NDUFAF2: variants seen among roughly 807,000 people sequenced by gnomAD.
NDUFAF2 encodes NADH dehydrogenase [ubiquinone] 1 alpha subcomplex assembly factor 2.
In NDUFAF2, 13 loss-of-function variants were observed where a neutral mutation model predicts 22.8. The ratio of observed to expected loss-of-function variants is 0.57; its 90% CI spans 0.37 to 0.91. NDUFAF2 has a LOEUF of 0.91. Ranked by LOEUF, NDUFAF2 falls within the 40% of genes least tolerant of loss-of-function variation. The pLI, the probability that NDUFAF2 is intolerant of heterozygous loss-of-function variation, is 0.01. For missense variants in NDUFAF2, 162 were observed against 195.2 expected (o/e 0.83, Z 1.01); for synonymous variants, 53 against 64.2 (o/e 0.83, Z 0.84).
rs183908377 is a variant in NDUFAF2, at chr5:61,016,246, G to C, written c.128-56879G>C. 1.5e-3 allele frequency among the ~76,000 whole-genome samples: 226 copies of C among 151,976 alleles called. 1 individual carries two copies. Among genetic ancestry groups the C allele is most frequent in the Non-Finnish European group, 2.0e-3 (139 of 67,992 alleles). On this transcript the variant is annotated intron_variant, in intron 1 of 3. Coordinates refer to ENST00000296597, the MANE Select transcript of NDUFAF2 (RefSeq NM_174889.5). ...ACCTTTGGGATTTAAAAGTATTATA[G>C]ACACATATATATTTGGCACCCTTTT... is the stretch of plus-strand genomic sequence containing the variant.
chr5:61,081,941 T>A (rs1307044792), intron 2 of NDUFAF2, among the ~76,000 whole-genome samples: 1 of 152,246 alleles, frequency 6.6e-6, no homozygotes, highest in African/African-American at 2.4e-5. Context: ...TGAAGGAACA[T>A]GTATTTGGAC....
chr5:60,952,437 A>T (rs557595009), intron 1 of NDUFAF2, among the ~76,000 whole-genome samples: 2 of 151,938 alleles, frequency 1.3e-5, no homozygotes, highest in African/African-American at 4.8e-5. Context: ...ATTTTTTCCT[A>T]TATGACCTAT....
At chr5:61,132,996 G>A (rs1254935886) in intron 3 of NDUFAF2, among the ~76,000 whole-genome samples, 1 of 152,000 alleles carries the variant, frequency 6.6e-6, no homozygotes, top group Admixed American at 6.6e-5. Flanking sequence ...GGGGGTGGGG[G>A]CAATAGAGTC....
At chr5:61,087,941 A>C (rs1752523548) in intron 2 of NDUFAF2, among the ~76,000 whole-genome samples, 1 of 152,146 alleles carries the variant, frequency 6.6e-6, no homozygotes, top group Non-Finnish European at 1.5e-5. Context: ...GTTTCTGTGC[A>C]TCAGGAGCCC....
At chr5:61,016,290 G>T (rs1272344979) in intron 1 of NDUFAF2, among the ~76,000 whole-genome samples, 1 of 152,006 alleles carries the variant, frequency 6.6e-6, no homozygotes, top group Admixed American at 6.5e-5. Context: ...ATTCAAAAAG[G>T]ACCAAAGGCG....
At chr5:61,062,077 C>T (rs1207798150) in intron 1 of NDUFAF2, among the ~76,000 whole-genome samples, 1 of 152,144 alleles carries the variant, frequency 6.6e-6, no homozygotes, top group African/African-American at 2.4e-5. Context: ...CTATAAAAAC[C>T]ACTCTGTAAA....
intron 3 of NDUFAF2, among the ~76,000 whole-genome samples, chr5:61,141,110 C>G (rs370868939): frequency 1.3e-5 from 2 of 152,094 alleles, no homozygotes; most frequent in Admixed American, 6.6e-5. Flanking sequence ...GCCTGTAATC[C>G]CAGCTACTCT....
intron 2 of NDUFAF2, among the ~76,000 whole-genome samples, chr5:61,087,563 A>G (rs1197062321): frequency 6.6e-6 from 1 of 152,226 alleles, no homozygotes; most frequent in African/African-American, 2.4e-5. Context: ...ACTAGAGTGT[A>G]AAATGTTACA....
At chr5:61,083,878 C>T (rs570692637) in intron 2 of NDUFAF2, among the ~76,000 whole-genome samples, 15 of 151,862 alleles carry the variant, frequency 9.9e-5, no homozygotes, top group African/African-American at 3.6e-4. Flanking sequence ...ATTGTATCAT[C>T]TTTACTGTAA....
chr5:60,951,397 A>G (rs937343589), intron 1 of NDUFAF2, among the ~76,000 whole-genome samples: 1 of 152,190 alleles, frequency 6.6e-6, no homozygotes, highest in Non-Finnish European at 1.5e-5. Flanking sequence ...ATTCGTTTGC[A>G]TATTGAAGGA....
At chr5:61,137,382 T>C (rs995104332) in intron 3 of NDUFAF2, among the ~76,000 whole-genome samples, 2 of 152,226 alleles carry the variant, frequency 1.3e-5, no homozygotes, top group African/African-American at 4.8e-5. Context: ...TCCTGGCCCT[T>C]GGAGTTTATA....
intron 2 of NDUFAF2, among the ~76,000 whole-genome samples, chr5:61,080,055 C>A (rs1312511563): frequency 1.3e-5 from 2 of 152,056 alleles, no homozygotes; most frequent in Non-Finnish European, 2.9e-5. Context: ...AAGCAAAAGG[C>A]AGCTTTTTTT....
At chr5:60,977,563 T>C (rs1372282435) in intron 1 of NDUFAF2, among the ~76,000 whole-genome samples, 1 of 151,970 alleles carries the variant, frequency 6.6e-6, no homozygotes, top group Non-Finnish European at 1.5e-5. Context: ...CCAGGCCAGG[T>C]GTGGTGGCTC....
intron 3 of NDUFAF2, among the ~76,000 whole-genome samples, chr5:61,129,993 T>C (rs1753088916): frequency 6.6e-6 from 1 of 152,036 alleles, no homozygotes; most frequent in Non-Finnish European, 1.5e-5. Flanking sequence ...GATAACTTAG[T>C]ATAAAAGAAA....
chr5:61,031,040 A>G (rs556965724), intron 1 of NDUFAF2, among the ~76,000 whole-genome samples: 69 of 152,128 alleles, frequency 4.5e-4, no homozygotes, highest in African/African-American at 1.6e-3. Flanking sequence ...CTGCTTTTTT[A>G]AACTTAGTTT....
chr5:60,973,363 G>T (rs74528915), intron 1 of NDUFAF2, among the ~76,000 whole-genome samples: 3,662 of 152,034 alleles, frequency 0.024, 63 homozygotes, highest in Non-Finnish European at 0.037. Context: ...TTGTTTGTTT[G>T]TTTAGGAAGC....
At chr5:61,068,292 T>C (rs79296229) in intron 1 of NDUFAF2, among the ~76,000 whole-genome samples, 3,696 of 152,260 alleles carry the variant, frequency 0.024, 63 homozygotes, top group Non-Finnish European at 0.038. Context: ...TCTTTTTTAC[T>C]TTTATCTTCA....
intron 1 of NDUFAF2, among the ~76,000 whole-genome samples, chr5:60,985,966 A>T (rs1313571977): frequency 1.3e-5 from 2 of 152,178 alleles, no homozygotes; most frequent in African/African-American, 4.8e-5. Flanking sequence ...ATTCCAGCTA[A>T]ATGGCTTGTG....
chr5:60,999,665 C>T (rs1272550737), intron 1 of NDUFAF2, among the ~76,000 whole-genome samples: 1 of 151,950 alleles, frequency 6.6e-6, no homozygotes, highest in African/African-American at 2.4e-5. Flanking sequence ...TGCTAAATGC[C>T]ACTGAATTGT....
Sources: gnomAD v4.1 joint callset for allele counts (sites outside exome capture counted in the v4.1 genomes callset) on GRCh38, gnomAD v4.1.1 for gene constraint, MANE v1.5 for transcripts, NCBI Gene and HGNC (gene_info 2026-07-23, HGNC 2026-07-21) for gene names.